ZNF701: variants seen among roughly 807,000 people sequenced by gnomAD.
The protein encoded by ZNF701 is zinc finger protein 701.
A neutral mutation model predicts 7.1 loss-of-function variants in ZNF701; 6 were observed. The ratio of observed to expected loss-of-function variants is 0.84; its 90% CI spans 0.46 to 1.66. The LOEUF (loss-of-function observed/expected upper bound fraction) is 1.66. Ranked by LOEUF, ZNF701 falls within the 40% of genes most tolerant of loss-of-function variation. The pLI is 0.01. For missense variants in ZNF701, 541 were observed against 559.2 expected (o/e 0.97, Z 0.33); for synonymous variants, 166 against 188.2 (o/e 0.88, Z 0.97).
chr19:52,583,464 A>G lies in ZNF701; in HGVS notation c.*7A>G, dbSNP rs2059990478. On this transcript the variant is annotated 3_prime_UTR_variant, in exon 4 of 4. Coordinates refer to ENST00000391785, the MANE Select transcript of ZNF701 (RefSeq NM_018260.3). ...TACTGGAAAGAAATCTTAGAAGTGT[A>G]AATTTGCAAGGTTTTTAGGCAACAG... 1.2e-6 allele frequency: 2 copies of G among 1,610,022 alleles called. No homozygotes were observed. The highest frequency in any genetic ancestry group is 1.3e-5 in the African/African-American group (1 of 74,708).
chr19:52,591,427 C>T (rs2060036334), downstream of ZNF701, among the ~76,000 whole-genome samples: 1 of 152,128 alleles, frequency 6.6e-6, no homozygotes, highest in African/African-American at 2.4e-5. Flanking sequence ...GTAATCCACC[C>T]ACCTTGGTTT....
chr19:52,589,243 A>G (rs2060027293), downstream of ZNF701, among the ~76,000 whole-genome samples: 1 of 152,162 alleles, frequency 6.6e-6, no homozygotes, highest in African/African-American at 2.4e-5. Flanking sequence ...TCTTTTTTGC[A>G]TTCGGTGAAA....
At chr19:52,580,114 A>G (rs975745028) in intron 3 of ZNF701, among the ~76,000 whole-genome samples, 5 of 140,734 alleles carry the variant, frequency 3.6e-5, no homozygotes, top group African/African-American at 1.6e-4. Flanking sequence ...GCTATTTTTT[A>G]TTGTATTTTT....
At position 52,582,892 on chromosome 19, in the gene ZNF701, CA is replaced by C. The variant is rs1490933832; in HGVS notation, c.834del (p.Phe279SerfsTer8). 2 of 1,612,980 alleles carry C rather than the reference CA, an allele frequency of 1.2e-6. No individual in the cohort carries two copies. The highest frequency in any genetic ancestry group is 1.7e-5 in the Admixed American group (1 of 59,956). ...TACACGTGTAATGAGTGTGGCAAGACATTCAGTCACAATTCAGCCCTGTTAG... is the reference window on the plus strand; with the variant it reads ...TACACGTGTAATGAGTGTGGCAAGACTTCAGTCACAATTCAGCCCTGTTAG... ...NPYTCNECGK[T>X]FSHNSALLVH... On this transcript the variant is annotated frameshift_variant, in exon 4 of 4. Coordinates refer to ENST00000391785, the MANE Select transcript of ZNF701 (RefSeq NM_018260.3). LOFTEE classifies it low-confidence loss of function (END_TRUNC).
At chr19:52,570,967 T>G (rs1568498668) in intron 1 of ZNF701, 2 of 151,998 alleles carry the variant, frequency 1.3e-5, no homozygotes, top group African/African-American at 4.8e-5. Flanking sequence ...AACCCTCCTG[T>G]GATTGTGTGG....
chr19:52,587,567 G>T (rs114997970), downstream of ZNF701, among the ~76,000 whole-genome samples: 3 of 152,152 alleles, frequency 2.0e-5, no homozygotes, highest in Admixed American at 2.0e-4. Context: ...ACATTGCAGC[G>T]CCACCTTCAC....
At position 52,584,961 on chromosome 19, in the gene ZNF701, G is replaced by T. The variant is rs1292349566; in HGVS notation, c.*1504G>T. 6.6e-6 allele frequency: 1 copy of T among 152,326 alleles called. No individual in the cohort carries two copies. The highest frequency in any genetic ancestry group is 1.5e-5 in the Non-Finnish European group (1 of 68,152). 9.4% of individuals were successfully genotyped at this position (152,326 alleles called of 1,614,324 possible). ...AAGCTGATGGCATGGACTGAAGGTT[G>T]CCCCGTTGAGTTTGCGCTTCCCAGT... On this transcript the variant is annotated 3_prime_UTR_variant, in exon 4 of 4. Transcript: ENST00000391785.
At chr19:52,576,221 G>T (rs920748888) in intron 3 of ZNF701, among the ~76,000 whole-genome samples, 200 bp downstream of exon 3, 3 of 152,070 alleles carry the variant, frequency 2.0e-5, no homozygotes, top group African/African-American at 7.2e-5. Context: ...AGCTCAGTGG[G>T]GGTTCCAGAA....
At chr19:52,579,861 G>A (rs187070640) in intron 3 of ZNF701, among the ~76,000 whole-genome samples, 1 of 127,478 alleles carries the variant, frequency 7.8e-6, no homozygotes, top group East Asian at 2.1e-4. Context: ...GAGACAGAGT[G>A]AGACTCCATC....
chr19:52,583,689 A>T lies in ZNF701; in HGVS notation c.*232A>T. On this transcript the variant is annotated 3_prime_UTR_variant, in exon 4 of 4. Transcript: ENST00000391785. The stretch of plus-strand genomic sequence containing the variant: ...CCTGGCCCAACATACTGGAATTCAC[A>T]CTGGAAAGGAACTGTACAAGTGTAA... 1 of 900,300 alleles carries T rather than the reference A, an allele frequency of 1.1e-6. No individual in the cohort carries two copies. The highest frequency in any genetic ancestry group is 1.9e-6 in the Non-Finnish European group (1 of 537,892). 55.8% of individuals were successfully genotyped at this position (900,300 alleles called of 1,614,324 possible). A position where few individuals can be genotyped will look rare whatever the true frequency, so the allele number is the denominator to read the frequency against.
Position 52,579,191 on chromosome 19 carries a change from G to C in ZNF701, c.143-3011G>C, listed in dbSNP as rs1343400925. Among the ~76,000 whole-genome samples the C allele has an allele frequency of 2.8e-5, 4 of 143,482 alleles. No homozygotes were observed. In the South Asian group the frequency reaches 6.3e-4, roughly 22 times the overall value. The allele number at this position is 143,482 out of a possible 152,430, so 94.1% of individuals were successfully genotyped here. On this transcript the variant is annotated intron_variant, in intron 3 of 3. Coordinates refer to ENST00000391785, the MANE Select transcript of ZNF701 (RefSeq NM_018260.3). ...CAAAAATAAAAAAAGTTCTAGAGGA[G>C]AAGTAGTTTTGGGAAGTGGTTATTG...
chr19:52,574,093 C>G lies in ZNF701; in HGVS notation c.-55C>G. 6.2e-7 allele frequency: 1 copy of G among 1,612,090 alleles called. No individual in the cohort carries two copies. The highest frequency in any genetic ancestry group is 8.5e-7 in the Non-Finnish European group (1 of 1,179,326). ...AACATTCAGGATTGACTTCTAAAGACTTGGTACGTGAGGAAAAAACACGGA... is the reference window on the plus strand; with the variant it reads ...AACATTCAGGATTGACTTCTAAAGAGTTGGTACGTGAGGAAAAAACACGGA... On this transcript the variant is annotated 5_prime_UTR_variant, in exon 2 of 4. Transcript: ENST00000391785.
rs1169124549 is a variant in ZNF701, at chr19:52,584,487, C to T, written c.*1030C>T. ...TGCTTTTTGTTTCTTTAACAAAAAC[C>T]AATAGGGGTTTTTATAGGTATTGTG... On this transcript the variant is annotated 3_prime_UTR_variant, in exon 4 of 4. Coordinates refer to ENST00000391785, the MANE Select transcript of ZNF701 (RefSeq NM_018260.3). The T allele has an allele frequency of 6.5e-6, 1 of 152,782 alleles. No individual in the cohort carries two copies. Among genetic ancestry groups the T allele is most frequent in the Non-Finnish European group, 1.5e-5 (1 of 68,538 alleles). The allele number at this position is 152,782 out of a possible 1,614,324, so 9.5% of individuals were successfully genotyped here. A position where few individuals can be genotyped will look rare whatever the true frequency, so the allele number is the denominator to read the frequency against.
intron 3 of ZNF701, among the ~76,000 whole-genome samples, chr19:52,579,953 A>T (rs921849503): frequency 2.8e-5 from 4 of 141,322 alleles, no homozygotes; most frequent in Admixed American, 6.9e-5. Flanking sequence ...TATTATTATT[A>T]TTTTTTTAGA....
chr19:52,598,614 G>A, the ZNF701 span: 1 of 152,144 alleles, frequency 6.6e-6, no homozygotes, highest in Non-Finnish European at 1.5e-5. Flanking sequence ...ATATTTCATG[G>A]AAATAAACTC....
chr19:52,579,045 C>T lies in ZNF701; in HGVS notation c.142+3024C>T, dbSNP rs191445449. On this transcript the variant is annotated intron_variant, in intron 3 of 3. Coordinates refer to ENST00000391785, the MANE Select transcript of ZNF701 (RefSeq NM_018260.3). ...ACAGACGTGAGCCACCGCGCCCCGC[C>T]GTGCCCATTTCTTTCAGTAAACAGA... Among the ~76,000 whole-genome samples, 452 of 144,062 alleles carry T rather than the reference C, an allele frequency of 3.1e-3. 13 individuals carry two copies. Among genetic ancestry groups the T allele is most frequent in the Middle Eastern group, 0.014 (4 of 292 alleles). 94.5% of individuals were successfully genotyped at this position (144,062 alleles called of 152,430 possible). A position where few individuals can be genotyped will look rare whatever the true frequency, so the allele number is the denominator to read the frequency against.
At chr19:52,577,077 A>G (rs991360436) in intron 3 of ZNF701, among the ~76,000 whole-genome samples, 2 of 152,266 alleles carry the variant, frequency 1.3e-5, no homozygotes, top group Non-Finnish European at 1.5e-5. Context: ...CTTTGCCCCC[A>G]CTTATCCCTC....
chr19:52,575,568 G>A (rs992587296), intron 2 of ZNF701: 8 of 347,580 alleles, frequency 2.3e-5, no homozygotes, highest in Middle Eastern at 2.0e-3. Flanking sequence ...TGGTGCAATC[G>A]CAGCTCACTG....
At chr19:52,590,810 A>T (rs2060033964), downstream of ZNF701, among the ~76,000 whole-genome samples, 1 of 152,138 alleles carries the variant, frequency 6.6e-6, no homozygotes, top group Non-Finnish European at 1.5e-5. Context: ...TGTAGTGTGT[A>T]CAGGAGAGCA....
Sources: allele counts gnomAD v4.1 joint callset (sites outside exome capture counted in the v4.1 genomes callset), GRCh38; gene constraint gnomAD v4.1.1; transcripts MANE v1.5; gene names NCBI Gene and HGNC (gene_info 2026-07-23, HGNC 2026-07-21).